The following CHST8 variants were observed in gnomAD, a reference collection of about 807,000 sequenced individuals.
CHST8 encodes carbohydrate sulfotransferase 8.
A neutral mutation model predicts 15.0 loss-of-function variants in CHST8; 10 were observed. The ratio of observed to expected loss-of-function variants is 0.67; its 90% CI spans 0.41 to 1.13. The LOEUF (loss-of-function observed/expected upper bound fraction) is 1.13. Among genes scored for constraint, CHST8 ranks in the 50% most tolerant of loss-of-function variants. The pLI, the probability that CHST8 is intolerant of heterozygous loss-of-function variation, is 0.00. For missense variants in CHST8, 634 were observed against 608.2 expected, an observed-to-expected ratio of 1.04 and a Z score of -0.45; for synonymous variants, 259 against 256.6, an observed-to-expected ratio of 1.01 and a Z score of -0.09.
At chr19:33,674,495 C>T (rs878905416) in intron 2 of CHST8, among the ~76,000 whole-genome samples, 1 of 152,200 alleles carries the variant, frequency 6.6e-6, no homozygotes, top group Admixed American at 6.5e-5. Flanking sequence ...TTGCATGCAG[C>T]GCAGCACTTC....
chr19:33,647,406 T>G (rs1021372104), intron 1 of CHST8, among the ~76,000 whole-genome samples: 2 of 152,094 alleles, frequency 1.3e-5, no homozygotes, highest in African/African-American at 4.8e-5. Context: ...GGCTGATCAG[T>G]GGGTTCTGCA....
rs2569721 is a variant in CHST8, at chr19:33,757,471, A to G, written c.131-13942A>G. 1.1e-4 allele frequency among the ~76,000 whole-genome samples: 5 copies of G among 45,924 alleles called. 1 individual carries two copies. The highest frequency in any genetic ancestry group is 4.6e-4 in the Admixed American group (2 of 4,366). The allele number at this position is 45,924 out of a possible 152,430, so 30.1% of individuals were successfully genotyped here. A position where few individuals can be genotyped will look rare whatever the true frequency, so the allele number is the denominator to read the frequency against. ...GAAAGAAAGAAAGAAAGAAAGAAAG[A>G]AAGAAAGAAAGAAAGAAAGAAAGAA... On this transcript the variant is annotated intron_variant, in intron 3 of 4. Transcript: ENST00000650847.
intron 2 of CHST8, among the ~76,000 whole-genome samples, chr19:33,678,583 A>C (rs980029331): frequency 6.6e-6 from 1 of 152,064 alleles, no homozygotes; most frequent in Non-Finnish European, 1.5e-5. Context: ...TTCTACAAAA[A>C]ATTAAACATT....
At chr19:33,743,386 G>A (rs911462583) in intron 3 of CHST8, among the ~76,000 whole-genome samples, 1 of 141,054 alleles carries the variant, frequency 7.1e-6, no homozygotes. Flanking sequence ...TGCAGGCTCC[G>A]CCCCCCGGGG....
chr19:33,638,725 C>T lies in CHST8; in HGVS notation c.-164+16429C>T, dbSNP rs1189848881. ...GAGAATGATATGCTAAATGTAGCTT[C>T]CTGGGGCCCTGGCAGCCAGCCAGGG... On this transcript the variant is annotated intron_variant, in intron 1 of 4. Transcript: ENST00000650847. 2.0e-5 allele frequency among the ~76,000 whole-genome samples: 3 copies of T among 152,124 alleles called. No homozygotes were observed. The East Asian group carries it at 5.8e-4, about 29-fold the overall frequency.
chr19:33,726,833 A>C (rs1407104603), intron 3 of CHST8, among the ~76,000 whole-genome samples: 2 of 152,028 alleles, frequency 1.3e-5, no homozygotes, highest in African/African-American at 4.8e-5. Context: ...GGGACAGTGC[A>C]TGCCGGCAAC....
At chr19:33,756,487 G>T (rs1037856064) in intron 3 of CHST8, among the ~76,000 whole-genome samples, 3 of 152,122 alleles carry the variant, frequency 2.0e-5, no homozygotes, top group African/African-American at 7.2e-5. Flanking sequence ...ATAAGCCAAG[G>T]TTGGGTCTTC....
At chr19:33,661,091 T>G (rs1018045721) in intron 1 of CHST8, among the ~76,000 whole-genome samples, 3 of 152,112 alleles carry the variant, frequency 2.0e-5, no homozygotes, top group African/African-American at 7.2e-5. Flanking sequence ...CTTGTTGACA[T>G]GCCCAGCACT....
At position 33,627,747 on chromosome 19, in the gene CHST8, A is replaced by G. The variant is rs556817028; in HGVS notation, c.-164+5451A>G. Among the ~76,000 whole-genome samples the G allele has an allele frequency of 7.9e-5, 12 of 152,310 alleles. No individual in the cohort carries two copies. In the East Asian group the frequency reaches 2.1e-3, roughly 27 times the overall value. ...TTCTCAGTCCCACACTCCTGGTGCC[A>G]GGCCTGTTGTCACTGTCCCTCGCCC... is the stretch of plus-strand genomic sequence containing the variant. On this transcript the variant is annotated intron_variant, in intron 1 of 4. Transcript: ENST00000650847.
intron 1 of CHST8, among the ~76,000 whole-genome samples, chr19:33,630,464 C>A (rs1445322678): frequency 6.6e-6 from 1 of 151,296 alleles, no homozygotes; most frequent in South Asian, 2.1e-4. Context: ...ACTGGTGGGG[C>A]CAGTGCATGG....
chr19:33,628,185 C>T (rs1183340250), intron 1 of CHST8, among the ~76,000 whole-genome samples: 1 of 151,878 alleles, frequency 6.6e-6, no homozygotes, highest in African/African-American at 2.4e-5. Flanking sequence ...GCCAGGCAGG[C>T]ACAGGCAAGA....
At chr19:33,718,480 T>C (rs1224671048) in intron 3 of CHST8, among the ~76,000 whole-genome samples, 3 of 152,162 alleles carry the variant, frequency 2.0e-5, no homozygotes, top group Admixed American at 6.5e-5. Context: ...GGCAAGGCAG[T>C]CTTCCCCGCA....
intron 3 of CHST8, among the ~76,000 whole-genome samples, chr19:33,703,756 G>T (rs796918628): frequency 6.6e-6 from 1 of 152,234 alleles, no homozygotes; most frequent in African/African-American, 2.4e-5. Flanking sequence ...ACCATTATAT[G>T]CCTGCTGATG....
At chr19:33,629,710 C>G (rs1169091830) in intron 1 of CHST8, among the ~76,000 whole-genome samples, 4 of 152,270 alleles carry the variant, frequency 2.6e-5, no homozygotes, top group Non-Finnish European at 5.9e-5. Context: ...CTTGTCCTCA[C>G]TGTCTGGGCC....
At chr19:33,639,514 C>CAGAAAA (rs1972250226) in intron 1 of CHST8, among the ~76,000 whole-genome samples, 1 of 152,076 alleles carries the variant, frequency 6.6e-6, no homozygotes, top group Non-Finnish European at 1.5e-5. Flanking sequence ...CAGGTTGCGG[C>CAGAAAA]AGAAAAAGAG....
intron 3 of CHST8, among the ~76,000 whole-genome samples, chr19:33,724,113 C>G (rs1449456671): frequency 6.6e-6 from 1 of 152,172 alleles, no homozygotes; most frequent in African/African-American, 2.4e-5. Context: ...GTGCCCTTGG[C>G]CCCACATGGG....
At chr19:33,655,135 C>T (rs1972494162) in intron 1 of CHST8, among the ~76,000 whole-genome samples, 1 of 152,162 alleles carries the variant, frequency 6.6e-6, no homozygotes, top group South Asian at 2.1e-4. Flanking sequence ...CTCCCGGGTA[C>T]AAGCAATTCT....
At chr19:33,733,219 G>A (rs950283100) in intron 3 of CHST8, among the ~76,000 whole-genome samples, 8 of 150,110 alleles carry the variant, frequency 5.3e-5, no homozygotes, top group South Asian at 2.1e-4. Context: ...AAGAGACAAA[G>A]ACCAGATATA....
At chr19:33,668,354 C>T (rs973716293) in intron 2 of CHST8, among the ~76,000 whole-genome samples, 1 of 152,142 alleles carries the variant, frequency 6.6e-6, no homozygotes, top group Non-Finnish European at 1.5e-5. Flanking sequence ...CGCTGGCCTT[C>T]ATCATGGAGC....
Sources: allele counts gnomAD v4.1 joint callset (sites outside exome capture counted in the v4.1 genomes callset), GRCh38; gene constraint gnomAD v4.1.1; transcripts MANE v1.5; gene names NCBI Gene and HGNC (gene_info 2026-07-23, HGNC 2026-07-21).